The following TBC1D19 variants were observed in gnomAD, a reference collection of about 807,000 sequenced individuals.
TBC1D19 encodes the protein TBC1 domain family, member 19.
TBC1D19 carries 60 observed loss-of-function variants against 89.0 expected under a neutral mutation model. The observed-to-expected ratio is 0.67, with a 90% CI of 0.55 to 0.84. The LOEUF (loss-of-function observed/expected upper bound fraction) is 0.84. TBC1D19 is among the 40% of genes least tolerant of loss of function. The pLI is 0.00. For missense variants in TBC1D19, 500 were observed against 610.8 expected (o/e 0.82, Z 1.91); for synonymous variants, 189 against 199.7 (o/e 0.95, Z 0.45).
intron 13 of TBC1D19, among the ~76,000 whole-genome samples, chr4:26,706,538 C>T (rs1195492103): frequency 1.3e-5 from 2 of 151,996 alleles, no homozygotes; most frequent in Non-Finnish European, 2.9e-5. Context: ...TATCTCTGCT[C>T]TACTTTTTAT....
chr4:26,762,960 T>C, the TBC1D19 span, among the ~76,000 whole-genome samples: 1 of 152,188 alleles, frequency 6.6e-6, no homozygotes, highest in African/African-American at 2.4e-5. Context: ...AACTGTAAGA[T>C]AATAATGTTG....
At chr4:26,819,370 G>C in the TBC1D19 span, among the ~76,000 whole-genome samples, 1 of 152,162 alleles carries the variant, frequency 6.6e-6, no homozygotes, top group Non-Finnish European at 1.5e-5. Context: ...TCAGCTCTGG[G>C]GTGGTTTTGC....
intron 5 of TBC1D19, 75 bp downstream of exon 5, chr4:26,637,360 T>C: frequency 1.7e-6 from 2 of 1,165,724 alleles, no homozygotes; most frequent in Non-Finnish European, 2.5e-6. Flanking sequence ...GTTATATAAC[T>C]GTTAGGCACA....
At chr4:26,710,371 T>G (rs1391504474) in intron 13 of TBC1D19, among the ~76,000 whole-genome samples, 1 of 152,234 alleles carries the variant, frequency 6.6e-6, no homozygotes, top group Non-Finnish European at 1.5e-5. Context: ...TCATCATTTT[T>G]TATGGCTGCA....
the TBC1D19 span, among the ~76,000 whole-genome samples, chr4:26,792,269 A>G: frequency 6.6e-6 from 1 of 152,200 alleles, no homozygotes; most frequent in African/African-American, 2.4e-5. Flanking sequence ...TATTAAAAAA[A>G]AGAAGAGGTT....
the TBC1D19 span, among the ~76,000 whole-genome samples, chr4:26,846,873 C>T: frequency 2.6e-5 from 4 of 152,150 alleles, no homozygotes; most frequent in African/African-American, 9.7e-5. Flanking sequence ...TGCTCACTCT[C>T]TCCTGGTTCT....
chr4:26,718,291 G>A (rs569896317), intron 14 of TBC1D19, among the ~76,000 whole-genome samples: 1 of 63,202 alleles, frequency 1.6e-5, no homozygotes, highest in African/African-American at 5.5e-5. Context: ...TGTCATATCT[G>A]TTGACTTTTC....
intron 15 of TBC1D19, among the ~76,000 whole-genome samples, chr4:26,725,450 C>T (rs915962916): frequency 9.2e-5 from 14 of 152,092 alleles, no homozygotes; most frequent in East Asian, 5.8e-4. Flanking sequence ...CTTGCTCTGT[C>T]GTCCAGGCTG....
At chr4:26,613,726 A>G (rs1003739814) in intron 2 of TBC1D19, among the ~76,000 whole-genome samples, 1 of 152,204 alleles carries the variant, frequency 6.6e-6, no homozygotes, top group Non-Finnish European at 1.5e-5. Flanking sequence ...TGATGGATAA[A>G]TACATCCATA....
At chr4:26,658,738 G>A (rs1269431595) in intron 7 of TBC1D19, among the ~76,000 whole-genome samples, 3 of 152,120 alleles carry the variant, frequency 2.0e-5, no homozygotes, top group Non-Finnish European at 4.4e-5. Context: ...TTTTCCATTT[G>A]TTTGTGTCCT....
chr4:26,735,096 GTA>G (rs1324889274), intron 15 of TBC1D19, among the ~76,000 whole-genome samples: 5 of 149,814 alleles, frequency 3.3e-5, no homozygotes, highest in Non-Finnish European at 5.9e-5. Context: ...GTATACACAT[GTA>G]TATATGTATA....
chr4:26,624,898 G>A (rs544720345), intron 4 of TBC1D19, among the ~76,000 whole-genome samples: 2 of 152,104 alleles, frequency 1.3e-5, no homozygotes, highest in Middle Eastern at 3.4e-3. Context: ...TTTCGTCCAC[G>A]CACTGGGAAG....
intron 15 of TBC1D19, among the ~76,000 whole-genome samples, chr4:26,720,439 T>C (rs1209596028): frequency 1.3e-5 from 2 of 152,058 alleles, no homozygotes; most frequent in African/African-American, 4.8e-5. Flanking sequence ...TCCTTTTGGG[T>C]TTTTTGGAGC....
At chr4:26,704,816 T>TA (rs1298082224) in intron 13 of TBC1D19, among the ~76,000 whole-genome samples, 2 of 152,152 alleles carry the variant, frequency 1.3e-5, no homozygotes, top group Non-Finnish European at 2.9e-5. Flanking sequence ...AAATGAATTT[T>TA]ATTTCAACTT....
intron 1 of TBC1D19, among the ~76,000 whole-genome samples, chr4:26,612,192 A>G (rs1741422844): frequency 6.8e-6 from 1 of 147,326 alleles, no homozygotes; most frequent in Non-Finnish European, 1.5e-5. Flanking sequence ...TGTTGTGAAT[A>G]TTTTCCAAAG....
intron 1 of TBC1D19, among the ~76,000 whole-genome samples, chr4:26,599,313 C>T (rs1740442914): frequency 6.6e-6 from 1 of 152,070 alleles, no homozygotes; most frequent in Non-Finnish European, 1.5e-5. Flanking sequence ...TGTTACAAGC[C>T]TTTTAAAATT....
At chr4:26,784,861 T>C in the TBC1D19 span, among the ~76,000 whole-genome samples, 4 of 152,332 alleles carry the variant, frequency 2.6e-5, no homozygotes, top group African/African-American at 7.2e-5. Context: ...TGCCATGATA[T>C]ACATTCATAC....
intron 18 of TBC1D19, among the ~76,000 whole-genome samples, chr4:26,744,107 T>C (rs1030628864): frequency 6.6e-6 from 1 of 151,690 alleles, no homozygotes; most frequent in Non-Finnish European, 1.5e-5. Context: ...TATTTCTTTT[T>C]GAATAAGCTT....
At chr4:26,637,517 A>G (rs1003525278) in intron 5 of TBC1D19, among the ~76,000 whole-genome samples, 6 of 152,004 alleles carry the variant, frequency 3.9e-5, no homozygotes, top group East Asian at 1.9e-4. Flanking sequence ...GACTACAGGC[A>G]CCCGCCACCA....
Sources: gnomAD v4.1 joint callset for allele counts (sites outside exome capture counted in the v4.1 genomes callset) on GRCh38, gnomAD v4.1.1 for gene constraint, MANE v1.5 for transcripts, NCBI Gene and HGNC (gene_info 2026-07-23, HGNC 2026-07-21) for gene names.